The following DYTN variants were observed in gnomAD, a reference collection of about 807,000 sequenced individuals.
DYTN encodes dystrotelin.
In DYTN, 75 loss-of-function variants were observed where a neutral mutation model predicts 69.6. The observed-to-expected ratio is 1.08, with a 90% CI of 0.89 to 1.31. DYTN has a LOEUF of 1.31. Among genes scored for constraint, DYTN ranks in the 50% most tolerant of loss-of-function variants. The pLI is 0.00. For synonymous variants in DYTN, 252 were observed against 249.1 expected (o/e 1.01, Z -0.11); for missense variants, 726 against 688.4 (o/e 1.05, Z -0.61).
chr2:206,708,923 C>T (rs1182661584), intron 2 of DYTN, among the ~76,000 whole-genome samples: 1 of 152,154 alleles, frequency 6.6e-6, no homozygotes, highest in African/African-American at 2.4e-5. Context: ...AATTACGCTA[C>T]GGAACATACT....
intron 9 of DYTN, among the ~76,000 whole-genome samples, chr2:206,690,816 A>G (rs1332004868): frequency 6.6e-6 from 1 of 152,224 alleles, no homozygotes; most frequent in East Asian, 1.9e-4. Context: ...CCTTTAAAAT[A>G]AAGTCTTAAG....
At chr2:206,663,511 C>A in intron 10 of DYTN, 116 bp from the exon 11 acceptor site, 1 of 1,122,422 alleles carries the variant, frequency 8.9e-7, no homozygotes, top group South Asian at 2.0e-5. Flanking sequence ...TCTTTCTCCT[C>A]TGTAAATATA....
At chr2:206,697,621 G>A (rs1699933025) in intron 7 of DYTN, among the ~76,000 whole-genome samples, 1 of 152,102 alleles carries the variant, frequency 6.6e-6, no homozygotes, top group African/African-American at 2.4e-5. Context: ...GACATCATTT[G>A]ATCTACCCTG....
intron 9 of DYTN, among the ~76,000 whole-genome samples, chr2:206,676,372 G>A (rs1213334678): frequency 6.6e-6 from 1 of 151,844 alleles, no homozygotes; most frequent in African/African-American, 2.4e-5. Context: ...AGTGGGAGCT[G>A]AACAATGAGA....
chr2:206,689,281 T>C (rs1699840834), intron 9 of DYTN, among the ~76,000 whole-genome samples: 1 of 152,232 alleles, frequency 6.6e-6, no homozygotes, highest in South Asian at 2.1e-4. Flanking sequence ...ACGAATTCAA[T>C]ATTATCACTT....
Position 206,699,764 on chromosome 2 carries a change from A to G in DYTN, c.682T>C (p.Cys228Arg), listed in dbSNP as rs756858192. 1.9e-6 allele frequency: 3 copies of G among 1,613,666 alleles called. No individual in the cohort carries two copies. The highest frequency in any genetic ancestry group is 4.5e-5 in the East Asian group (2 of 44,858). ...ATTGGGAAAGTCCTGCAGAGAGTGC[A>G]CCGAGCAGGGTGAGTGACCCTTTCA... is the stretch of plus-strand genomic sequence containing the variant. ...AAERVTHPAR[C>R]TLCRTFPITG... is the part of the protein sequence containing the mutation. Residue 228 changes from cysteine to arginine, a missense_variant, in exon 7 of 12, where the codon TGC (cysteine) becomes CGC (arginine). Transcript: ENST00000452335.
intron 9 of DYTN, among the ~76,000 whole-genome samples, chr2:206,683,092 T>C (rs1452325544): frequency 6.6e-6 from 1 of 152,184 alleles, no homozygotes; most frequent in East Asian, 1.9e-4. Context: ...TCCAAACAGA[T>C]TGAAATTTTA....
intron 1 of DYTN, 103 bp from the exon 2 acceptor site, chr2:206,710,701 G>T (rs1168340815): frequency 2.2e-6 from 2 of 915,322 alleles, no homozygotes; most frequent in Non-Finnish European, 3.1e-6. Context: ...ACTTTATTTT[G>T]CAGGTGAGGA....
chr2:206,706,149 G>A (rs1194591668), intron 3 of DYTN, among the ~76,000 whole-genome samples: 2 of 152,160 alleles, frequency 1.3e-5, no homozygotes, highest in African/African-American at 4.8e-5. Context: ...GGGATGCAGG[G>A]ATAAACCCTG....
intron 11 of DYTN, among the ~76,000 whole-genome samples, chr2:206,659,164 CTTTTTTT>C (rs758156864): frequency 1.8e-5 from 1 of 54,278 alleles, no homozygotes; most frequent in Admixed American, 2.7e-4. Context: ...CTCACAGTCT[CTTTTTTT>C]TTTTTTTTTT....
chr2:206,682,411 T>G (rs1240654412), intron 9 of DYTN, among the ~76,000 whole-genome samples: 5 of 152,190 alleles, frequency 3.3e-5, no homozygotes, highest in African/African-American at 1.2e-4. Flanking sequence ...TAGAACACCA[T>G]GCTGTGTCCT....
chr2:206,672,530 T>C (rs1031331916), intron 9 of DYTN, among the ~76,000 whole-genome samples: 1 of 152,146 alleles, frequency 6.6e-6, no homozygotes, highest in Admixed American at 6.5e-5. Flanking sequence ...CCATGAGGGG[T>C]GTCTCCTGGT....
chr2:206,688,161 C>T (rs533075450), intron 9 of DYTN, among the ~76,000 whole-genome samples: 91 of 152,278 alleles, frequency 6.0e-4, no homozygotes, highest in African/African-American at 2.0e-3. Flanking sequence ...TCCTGCAAGC[C>T]TCTGGCCACA....
At chr2:206,675,429 G>C (rs1211598954) in intron 9 of DYTN, among the ~76,000 whole-genome samples, 1 of 150,812 alleles carries the variant, frequency 6.6e-6, no homozygotes, top group African/African-American at 2.4e-5. Flanking sequence ...ATTCAGAAAA[G>C]TTTCTCTTTT....
intron 9 of DYTN, among the ~76,000 whole-genome samples, chr2:206,671,591 A>G (rs1007199060): frequency 1.3e-5 from 2 of 152,220 alleles, no homozygotes; most frequent in Non-Finnish European, 2.9e-5. Flanking sequence ...GTTTACCTCT[A>G]TTCAGTCTCT....
At chr2:206,711,366 G>A (rs1003664089) in intron 1 of DYTN, among the ~76,000 whole-genome samples, 7 of 152,138 alleles carry the variant, frequency 4.6e-5, no homozygotes, top group Admixed American at 2.6e-4. Context: ...GTAGAGGAGA[G>A]GAGAGAGCTC....
chr2:206,675,837 C>T (rs1699680756), intron 9 of DYTN, among the ~76,000 whole-genome samples: 1 of 152,136 alleles, frequency 6.6e-6, no homozygotes. Flanking sequence ...AATAACTCAT[C>T]ATCACTGGTC....
intron 5 of DYTN, among the ~76,000 whole-genome samples, chr2:206,701,675 C>G (rs1400792797): frequency 6.6e-6 from 1 of 152,060 alleles, no homozygotes; most frequent in Admixed American, 6.5e-5. Context: ...TAGAAACTTT[C>G]AGTTATAAGA....
rs1700068754 is a variant in DYTN, at chr2:206,710,372, T to C, written c.94+152A>G. ...GCACGTGATGTTTTCCCATCCTCCA[T>C]CTTCTCTGTCACGAATGGGCTAAAT... On this transcript the variant is annotated intron_variant, in intron 2 of 11. Coordinates refer to ENST00000452335, the MANE Select transcript of DYTN (RefSeq NM_001093730.1). 6.6e-6 allele frequency among the ~76,000 whole-genome samples: 1 copy of C among 152,196 alleles called. No homozygotes were observed. The highest frequency in any genetic ancestry group is 1.5e-5 in the Non-Finnish European group (1 of 68,026).
Sources: allele counts gnomAD v4.1 joint callset (sites outside exome capture counted in the v4.1 genomes callset), GRCh38; gene constraint gnomAD v4.1.1; transcripts MANE v1.5; gene names NCBI Gene and HGNC (gene_info 2026-07-23, HGNC 2026-07-21).